PDLIM7: variants seen among roughly 807,000 people sequenced by gnomAD.
The protein encoded by PDLIM7 is PDZ and LIM domain protein 7.
In PDLIM7, 37 loss-of-function variants were observed where a neutral mutation model predicts 53.9. The ratio of observed to expected loss-of-function variants is 0.69; its 90% CI spans 0.53 to 0.90. The LOEUF (loss-of-function observed/expected upper bound fraction) is 0.90, where lower values mean the gene tolerates loss of function less well. PDLIM7 is among the 40% of genes least tolerant of loss of function. PDLIM7 has a pLI of 0.00. For missense variants in PDLIM7, 617 were observed against 638.5 expected, an observed-to-expected ratio of 0.97 and a Z score of 0.36; for synonymous variants, 300 against 261.3, an observed-to-expected ratio of 1.15 and a Z score of -1.43.
rs201521092 is a variant in PDLIM7 at position 177,492,527 on chromosome 5, T to G, written c.247A>C (p.Arg83=). 7 of 1,613,714 alleles carry G rather than the reference T, an allele frequency of 4.3e-6. No individual in the cohort carries two copies. In the East Asian group the frequency reaches 1.6e-4, roughly 36 times the overall value. The change falls in exon 3 of 13, where the codon AGG becomes CGG. Residue 83 remains arginine, a splice_region_variant and synonymous_variant. Transcript: ENST00000355841. ...CGERLSLGLS[R]AQPVQSKPQK... ...ACCCATCCATGTCCACCCGCATACC[T>G]GCTGAGGCCCAGGCTGAGGCGCTCC... is the stretch of plus-strand genomic sequence containing the variant.
chr5:177,495,817 T>C (rs1023182695), intron 2 of PDLIM7, among the ~76,000 whole-genome samples: 4 of 152,022 alleles, frequency 2.6e-5, no homozygotes, highest in Non-Finnish European at 5.9e-5. Flanking sequence ...CTGCTTGGGG[T>C]CAAAGGCCAC....
At chr5:177,496,127 G>A (rs548463100) in intron 2 of PDLIM7, among the ~76,000 whole-genome samples, 33 of 152,256 alleles carry the variant, frequency 2.2e-4, no homozygotes, top group Middle Eastern at 3.4e-3. Context: ...TGAAATGTTA[G>A]GCTCCCATCC....
intron 1 of PDLIM7, chr5:177,496,792 C>T (rs1213062958): frequency 5.9e-5 from 15 of 256,348 alleles, no homozygotes; most frequent in Non-Finnish European, 1.0e-4. Context: ...TTCTTTGCAA[C>T]CAGGGGTGGG....
At chr5:177,484,874 G>A in intron 10 of PDLIM7, 1 of 153,860 alleles carries the variant, frequency 6.5e-6, no homozygotes, top group African/African-American at 2.4e-5. Context: ...CCTGAAACTG[G>A]CACACCAGGC....
chr5:177,484,820 C>G (rs910229958), intron 10 of PDLIM7: 3 of 156,616 alleles, frequency 1.9e-5, no homozygotes, highest in African/African-American at 7.2e-5. Context: ...TCCGCCACTG[C>G]TCTCCCTTGC....
chr5:177,492,474 C>T, intron 3 of PDLIM7, 39 bp from the exon 4 acceptor site: 1 of 1,613,598 alleles, frequency 6.2e-7, no homozygotes. Flanking sequence ...GCCGGGCCCG[C>T]AGGGATCCCC....
chr5:177,491,908 C>T lies in PDLIM7; in HGVS notation c.297G>A (p.Ala99=), dbSNP rs1206452536. The stretch of plus-strand genomic sequence containing the variant: ...GTGCAAAGGTGTACCGCGGAGGGTC[C>T]GCGGCGGGGGCGGAGGCCTGGGCAG... ...SKPQKASAPA[A]DPPRYTFAPS... The change falls in exon 5 of 13, where the codon GCG becomes GCA. Residue 99 remains alanine, a synonymous_variant. Coordinates refer to ENST00000355841, the MANE Select transcript of PDLIM7 (RefSeq NM_005451.5). The T allele has an allele frequency of 2.8e-6, 3 of 1,060,998 alleles. No homozygotes were observed. The highest frequency in any genetic ancestry group is 1.1e-6 in the Non-Finnish European group (1 of 871,456). The allele number at this position is 1,060,998 out of a possible 1,614,324, so 65.7% of individuals were successfully genotyped here. A position where few individuals can be genotyped will look rare whatever the true frequency, so the allele number is the denominator to read the frequency against.
Position 177,489,568 on chromosome 5 carries a change from C to A in PDLIM7, c.694G>T (p.Glu232Ter). The A allele has an allele frequency of 6.2e-7, 1 of 1,610,560 alleles. No homozygotes were observed. The highest frequency in any genetic ancestry group is 1.1e-5 in the South Asian group (1 of 90,610). The change falls in exon 9 of 13, where the codon GAG becomes TAG. Residue 232 changes from glutamate (E) to a stop codon, truncating the protein, a stop_gained. Transcript: ENST00000355841. LOFTEE classifies it high-confidence loss of function. ...PPWAVDPAFA[E>*]RYAPDKTSTV... ...CTCGTTTTGTCCGGGGCATAGCGCT[C>A]GGCAAACGCAGGGTCCACAGCCCAG... is the stretch of plus-strand genomic sequence containing the variant.
At chr5:177,489,008 G>A (rs969158497) in intron 9 of PDLIM7, among the ~76,000 whole-genome samples, 1 of 152,212 alleles carries the variant, frequency 6.6e-6, no homozygotes, top group African/African-American at 2.4e-5. Context: ...GCCCCACGGG[G>A]CAGTGCACAG....
In PDLIM7 at chr5:177,491,927, TGGGCAGAGACACAGCC is replaced by T; in HGVS notation, c.280-18_280-3del. On this transcript the variant is annotated splice_region_variant and splice_polypyrimidine_tract_variant and intron_variant, in intron 4 of 12. Transcript: ENST00000355841. ...AGGGTCCGCGGCGGGGGCGGAGGCC[TGGGCAGAGACACAGCC>T]GGGCAGGGCGGGCGGGCAGGGTAAG... is the stretch of plus-strand genomic sequence containing the variant. 3.8e-6 allele frequency: 1 copy of T among 260,686 alleles called. No homozygotes were observed. The highest frequency in any genetic ancestry group is 5.2e-6 in the Non-Finnish European group (1 of 192,400). The allele number at this position is 260,686 out of a possible 1,614,324, so 16.1% of individuals were successfully genotyped here. A position where few individuals can be genotyped will look rare whatever the true frequency, so the allele number is the denominator to read the frequency against.
At chr5:177,485,765 G>A (rs376677408) in intron 10 of PDLIM7, among the ~76,000 whole-genome samples, 5 of 152,140 alleles carry the variant, frequency 3.3e-5, no homozygotes, top group African/African-American at 7.2e-5. Context: ...TGGGAGGATC[G>A]CTCGAGGCCA....
intron 1 of PDLIM7, among the ~76,000 whole-genome samples, chr5:177,497,280 C>T (rs1353042520): frequency 1.3e-5 from 2 of 152,134 alleles, no homozygotes; most frequent in Non-Finnish European, 2.9e-5. Context: ...GACTCAGTTT[C>T]CCCTTAGTCC....
chr5:177,487,048 C>T (rs1204100871), intron 10 of PDLIM7, among the ~76,000 whole-genome samples: 2 of 148,914 alleles, frequency 1.3e-5, no homozygotes, highest in Admixed American at 6.8e-5. Context: ...GATTCTCCTG[C>T]CTCAGCCTCC....
rs747077482 is a variant in PDLIM7 at position 177,489,802 on chromosome 5, T to C, written c.603A>G (p.Pro201=). The C allele has an allele frequency of 6.9e-6, 11 of 1,584,950 alleles. No individual in the cohort carries two copies. Among genetic ancestry groups the C allele is most frequent in the Non-Finnish European group, 6.9e-6 (8 of 1,167,498 alleles). Residue 201 remains proline (P), a synonymous_variant, in exon 8 of 13, where the codon CCA becomes CCG. Coordinates refer to ENST00000355841, the MANE Select transcript of PDLIM7 (RefSeq NM_005451.5). Reference sequence around the variant, plus strand: ...AGGGCTCCTGGGGTGTAGATGAGGCTGGGGCTGGGGCTTCTGTCCTGGGCA... The same window carrying C: ...AGGGCTCCTGGGGTGTAGATGAGGCCGGGGCTGGGGCTTCTGTCCTGGGCA... The part of the protein sequence containing the change: ...SQVPRTEAPA[P]ASSTPQEPWP...
intron 1 of PDLIM7, 163 bp from the exon 2 acceptor site, chr5:177,496,686 G>A: frequency 4.4e-6 from 2 of 453,846 alleles, no homozygotes; most frequent in Non-Finnish European, 7.8e-6. Context: ...GGCTGGCCTG[G>A]GCTGCTGGCT....
At position 177,496,535 on chromosome 5, in the gene PDLIM7, G is replaced by C; in HGVS notation, c.-11-12C>G. On this transcript the variant is annotated splice_polypyrimidine_tract_variant and intron_variant, in intron 1 of 12. Coordinates refer to ENST00000355841, the MANE Select transcript of PDLIM7 (RefSeq NM_005451.5). ...CATGATGCCGGCTCCTGAGAGGAGA[G>C]AAGAGAAGGTGAGTGGCCAGCATGG... is the stretch of plus-strand genomic sequence containing the variant. 1 of 1,556,730 alleles carries C rather than the reference G, an allele frequency of 6.4e-7. No individual in the cohort carries two copies. Among genetic ancestry groups the C allele is most frequent in the Non-Finnish European group, 8.7e-7 (1 of 1,148,478 alleles).
At chr5:177,491,521 G>A (rs989290915) in intron 5 of PDLIM7, 18 of 941,474 alleles carry the variant, frequency 1.9e-5, no homozygotes, top group Non-Finnish European at 2.9e-5. Flanking sequence ...GGGACAAGGC[G>A]GCACTGAGTG....
At chr5:177,490,316 G>C in intron 7 of PDLIM7, 2 of 1,445,960 alleles carry the variant, frequency 1.4e-6, no homozygotes, top group South Asian at 2.9e-5. Flanking sequence ...ACAGGGCAAA[G>C]AGGGAAGGCA....
rs538790115 is a variant in PDLIM7, at chr5:177,489,488, G to A, written c.774C>T (p.Arg258=). The change falls in exon 9 of 13, where the codon CGC becomes CGT. Residue 258 remains arginine (R), a synonymous_variant. Coordinates refer to ENST00000355841, the MANE Select transcript of PDLIM7 (RefSeq NM_005451.5). ...CGGCAGCTGCCTGCACAATGGAGGT[G>A]CGGCTCTGCAGCGGCGTGGGCGTGG... ...QPATPTPLQS[R]TSIVQAAAGG... 8.4e-5 allele frequency: 135 copies of A among 1,607,778 alleles called. 2 individuals are homozygous for A. The South Asian group carries it at 1.3e-3, about 16-fold the overall frequency.
Sources: allele counts gnomAD v4.1 joint callset (sites outside exome capture counted in the v4.1 genomes callset), GRCh38; gene constraint gnomAD v4.1.1; transcripts MANE v1.5; gene names NCBI Gene and HGNC (gene_info 2026-07-23, HGNC 2026-07-21).